LRRK2: variants seen among roughly 807,000 people sequenced by gnomAD.
LRRK2 encodes leucine-rich repeat serine/threonine-protein kinase 2.
LRRK2 carries 203 observed loss-of-function variants against 302.6 expected under a neutral mutation model. The observed-to-expected ratio is 0.67, with a 90% confidence interval of 0.60 to 0.75. The LOEUF (loss-of-function observed/expected upper bound fraction) is 0.75, where lower values mean the gene tolerates loss of function less well. LRRK2 is among the 30% of genes least tolerant of loss of function. LRRK2 has a pLI of 0.00. For synonymous variants in LRRK2, 1,066 were observed against 1,031.9 expected (o/e 1.03, Z -0.63); for missense variants, 2,830 against 2,951.0 (o/e 0.96, Z 0.95).
chr12:40,359,092 T>C (rs1305069024), intron 46 of LRRK2, among the ~76,000 whole-genome samples, 168 bp from the exon 47 acceptor site: 1 of 152,148 alleles, frequency 6.6e-6, no homozygotes, highest in East Asian at 1.9e-4. Flanking sequence ...TACTCATTTA[T>C]CAGAACTAAG....
intron 39 of LRRK2, 83 bp from the exon 40 acceptor site, chr12:40,334,884 G>T (rs919171479): frequency 7.0e-7 from 1 of 1,423,038 alleles, no homozygotes; most frequent in African/African-American, 1.4e-5. Context: ...TCCATGTTCA[G>T]CCTGTTGATG....
chr12:40,287,203 T>A, intron 19 of LRRK2, 148 bp from the exon 20 acceptor site: 1 of 689,890 alleles, frequency 1.4e-6, no homozygotes, highest in South Asian at 1.7e-5. Context: ...CTGTTAATTA[T>A]TCAGGATCAC....
intron 12 of LRRK2, among the ~76,000 whole-genome samples, chr12:40,258,094 G>A (rs932958864): frequency 1.3e-5 from 2 of 152,140 alleles, no homozygotes; most frequent in African/African-American, 4.8e-5. Flanking sequence ...TGATAAAGAG[G>A]AATGATAATA....
At chr12:40,364,576 G>A (rs1431014363) in intron 48 of LRRK2, among the ~76,000 whole-genome samples, 2 of 151,324 alleles carry the variant, frequency 1.3e-5, no homozygotes, top group African/African-American at 2.4e-5. Flanking sequence ...GATAGCTTTG[G>A]TATTTATAAA....
chr12:40,252,880 C>T (rs1942339602), intron 10 of LRRK2, 30 bp from the exon 11 acceptor site: 1 of 1,377,616 alleles, frequency 7.3e-7, no homozygotes. Context: ...TAAAAGATTA[C>T]TACTAACATT....
At chr12:40,354,528 G>C (rs1183079499) in intron 45 of LRRK2, 36 bp downstream of exon 45, 1 of 1,568,792 alleles carries the variant, frequency 6.4e-7, no homozygotes, top group South Asian at 1.1e-5. Flanking sequence ...GGAAATTACA[G>C]ATCTTTTAAA....
intron 8 of LRRK2, among the ~76,000 whole-genome samples, chr12:40,250,391 G>A (rs527341866): frequency 9.9e-5 from 15 of 152,234 alleles, no homozygotes; most frequent in African/African-American, 3.4e-4. Flanking sequence ...TCGGGAGGCC[G>A]AGGCAGGAGT....
chr12:40,225,039 C>T lies in LRRK2; in HGVS notation c.-93C>T. 3 of 1,536,736 alleles carry T rather than the reference C, an allele frequency of 2.0e-6. No individual in the cohort carries two copies. Among genetic ancestry groups the T allele is most frequent in the South Asian group, 1.1e-5 (1 of 87,026 alleles). On this transcript the variant is annotated 5_prime_UTR_variant, in exon 1 of 51. Transcript: ENST00000298910. The stretch of plus-strand genomic sequence containing the variant: ...CTGGCTGCGGGCGGTGAGCTGAGCT[C>T]GCCCCCGGGGAGCTGTGGCCGGCGC...
intron 39 of LRRK2, among the ~76,000 whole-genome samples, chr12:40,334,104 G>A (rs577148902): frequency 6.6e-5 from 10 of 152,240 alleles, no homozygotes; most frequent in South Asian, 6.2e-4. Context: ...TTTTGTAGTC[G>A]TTAAACCAGA....
intron 46 of LRRK2, among the ~76,000 whole-genome samples, chr12:40,358,544 T>C (rs1169379923): frequency 1.3e-5 from 2 of 152,182 alleles, no homozygotes; most frequent in Non-Finnish European, 2.9e-5. Flanking sequence ...GCTTTAAATA[T>C]GTGGGTTTAT....
At chr12:40,329,348 A>G (rs1166883991) in intron 39 of LRRK2, among the ~76,000 whole-genome samples, 1 of 152,152 alleles carries the variant, frequency 6.6e-6, no homozygotes, top group African/African-American at 2.4e-5. Context: ...ACTCCTTGCT[A>G]TGTGAGATGA....
intron 18 of LRRK2, among the ~76,000 whole-genome samples, chr12:40,280,325 C>G (rs1943634234): frequency 6.6e-6 from 1 of 151,910 alleles, no homozygotes; most frequent in African/African-American, 2.4e-5. Context: ...TATGATGGCA[C>G]ACACATGTAG....
intron 43 of LRRK2, 49 bp downstream of exon 43, chr12:40,348,558 T>C: frequency 9.2e-6 from 10 of 1,091,542 alleles, no homozygotes; most frequent in Non-Finnish European, 1.4e-5. Context: ...CATTTGCATA[T>C]ATGCATATAT....
intron 3 of LRRK2, among the ~76,000 whole-genome samples, chr12:40,233,444 A>C (rs916438066): frequency 1.3e-5 from 2 of 152,214 alleles, no homozygotes; most frequent in African/African-American, 4.8e-5. Flanking sequence ...TTTGTCCATA[A>C]GTGAACATGT....
rs945984723 is a variant in LRRK2 at position 40,282,180 on chromosome 12, C to T, written c.2242-1695C>T. 1.3e-4 allele frequency among the ~76,000 whole-genome samples: 18 copies of T among 143,666 alleles called. No homozygotes were observed. In the East Asian group the frequency reaches 3.8e-3, roughly 31 times the overall value. 94.3% of individuals were successfully genotyped at this position (143,666 alleles called of 152,430 possible). A position where few individuals can be genotyped will look rare whatever the true frequency, so the allele number is the denominator to read the frequency against. ...TCTTCCCCTTCCCCTTCCTCTTCCC[C>T]TTCCCCTTCTCCTTCCTTCCTTCCT... On this transcript the variant is annotated intron_variant, in intron 18 of 50. Coordinates refer to ENST00000298910, the MANE Select transcript of LRRK2 (RefSeq NM_198578.4).
intron 45 of LRRK2, among the ~76,000 whole-genome samples, chr12:40,355,793 C>T (rs746383748): frequency 3.9e-5 from 6 of 152,024 alleles, no homozygotes; most frequent in Admixed American, 6.6e-5. Flanking sequence ...ATCTGCCCAC[C>T]GCAGCCTCCC....
intron 31 of LRRK2, chr12:40,312,573 G>T (rs2896975): frequency 0.7 from 106,120 of 151,970 alleles, 37,379 homozygotes; most frequent in African/African-American, 0.77. Context: ...CTTATTAACA[G>T]GTGTCTGTGC....
At chr12:40,276,883 A>G (rs1008969015) in intron 16 of LRRK2, among the ~76,000 whole-genome samples, 4 of 152,132 alleles carry the variant, frequency 2.6e-5, no homozygotes, top group African/African-American at 9.7e-5. Flanking sequence ...CCCAGGCTAG[A>G]GTGCAGTGGC....
intron 43 of LRRK2, among the ~76,000 whole-genome samples, chr12:40,349,709 G>T (rs905112820): frequency 6.6e-6 from 1 of 152,096 alleles, no homozygotes; most frequent in Admixed American, 6.6e-5. Context: ...TAGAGAAAGG[G>T]TCTCACTCTG....
Sources: gnomAD v4.1 joint callset for allele counts (sites outside exome capture counted in the v4.1 genomes callset) on GRCh38, gnomAD v4.1.1 for gene constraint, MANE v1.5 for transcripts, NCBI Gene and HGNC (gene_info 2026-07-23, HGNC 2026-07-21) for gene names.